Variants in DTL observed in about 807,000 individuals in gnomAD.
DTL encodes the protein denticleless protein homolog.
DTL carries 46 observed loss-of-function variants against 87.0 expected under a neutral mutation model. The observed-to-expected ratio is 0.53, with a 90% confidence interval of 0.42 to 0.68. The LOEUF is 0.68. Ranked by LOEUF, DTL falls within the 30% of genes least tolerant of loss-of-function variation. The pLI, the probability that DTL is intolerant of heterozygous loss-of-function variation, is 0.00. For missense variants in DTL, 737 were observed against 869.4 expected, an observed-to-expected ratio of 0.85 and a Z score of 1.91; for synonymous variants, 308 against 311.2, an observed-to-expected ratio of 0.99 and a Z score of 0.11.
At chr1:212,102,058 C>T (rs555266880) in intron 14 of DTL, among the ~76,000 whole-genome samples, 4 of 152,322 alleles carry the variant, frequency 2.6e-5, no homozygotes, top group Non-Finnish European at 5.9e-5. Flanking sequence ...AGCTAGATAA[C>T]CAACCTTAGG....
Position 212,103,002 on chromosome 1 carries a change from TA to T in DTL, c.*66del. On this transcript the variant is annotated 3_prime_UTR_variant, in exon 15 of 15. Coordinates refer to ENST00000366991, the MANE Select transcript of DTL (RefSeq NM_016448.4). ...TAAAACAAGCTGAGCTTTGGTCCAC[TA>T]AAACAAGATGAAAAATACAAGAGTG... 1 of 961,154 alleles carries T rather than the reference TA, an allele frequency of 1.0e-6. No homozygotes were observed. The highest frequency in any genetic ancestry group is 1.6e-6 in the Non-Finnish European group (1 of 626,616). 59.5% of individuals were successfully genotyped at this position (961,154 alleles called of 1,614,324 possible).
At chr1:212,050,006 A>ATATC (rs10628680) in intron 5 of DTL, among the ~76,000 whole-genome samples, 150,204 of 151,942 alleles carry the variant, frequency 0.99, 74,266 homozygotes, top group Middle Eastern at 1. Context: ...GTGAGACCCT[A>ATATC]TAAGAAAACA....
chr1:212,078,808 T>C (rs1654908676), intron 12 of DTL, among the ~76,000 whole-genome samples: 1 of 152,140 alleles, frequency 6.6e-6, no homozygotes, highest in South Asian at 2.1e-4. Flanking sequence ...AGTGACACTT[T>C]AAGAAACAAA....
chr1:212,083,954 A>G (rs1306645919), intron 13 of DTL, among the ~76,000 whole-genome samples: 2 of 152,168 alleles, frequency 1.3e-5, no homozygotes, highest in Non-Finnish European at 2.9e-5. Flanking sequence ...AAACTGTCTT[A>G]TCTTTAAGCT....
chr1:212,092,910 C>A lies in DTL; in HGVS notation c.1262-7342C>A, dbSNP rs530496351. ...CAGTGTAAAAGTGTTCCCTTTCCAC[C>A]ACATCCACCCCAATGATGGCCATTC... On this transcript the variant is annotated intron_variant, in intron 13 of 14. Coordinates refer to ENST00000366991, the MANE Select transcript of DTL (RefSeq NM_016448.4). Among the ~76,000 whole-genome samples the A allele has an allele frequency of 1.3e-4, 20 of 152,162 alleles. No individual in the cohort carries two copies. In the South Asian group the frequency reaches 3.9e-3, roughly 30 times the overall value.
chr1:212,067,749 T>C (rs753719508), intron 8 of DTL, among the ~76,000 whole-genome samples: 3 of 152,208 alleles, frequency 2.0e-5, no homozygotes, highest in Non-Finnish European at 4.4e-5. Flanking sequence ...AAGTAGAGGA[T>C]TAAGACAATT....
chr1:212,073,291 GAATT>G (rs979898646), intron 11 of DTL, among the ~76,000 whole-genome samples: 6 of 152,164 alleles, frequency 3.9e-5, no homozygotes, highest in Non-Finnish European at 7.4e-5. Flanking sequence ...CCATGACTAA[GAATT>G]AATTATCTTC....
chr1:212,044,795 A>G lies in DTL; in HGVS notation c.277+37A>G, dbSNP rs769768923. 3 of 1,297,796 alleles carry G rather than the reference A, an allele frequency of 2.3e-6. No individual in the cohort carries two copies. In the East Asian group the frequency reaches 6.9e-5, roughly 30 times the overall value. The allele number at this position is 1,297,796 out of a possible 1,614,324, so 80.4% of individuals were successfully genotyped here. A position where few individuals can be genotyped will look rare whatever the true frequency, so the allele number is the denominator to read the frequency against. On this transcript the variant is annotated intron_variant, in intron 3 of 14. Coordinates refer to ENST00000366991, the MANE Select transcript of DTL (RefSeq NM_016448.4). ...TCTACAATTTTTGTTTTAACATTTA[A>G]AAAACTTTACACATCCTCAAGTATA...
At chr1:212,080,118 G>T (rs1654947570) in intron 12 of DTL, among the ~76,000 whole-genome samples, 2 of 152,178 alleles carry the variant, frequency 1.3e-5, no homozygotes, top group Admixed American at 1.3e-4. Flanking sequence ...ATCTCAAAAG[G>T]AATGGTTTCC....
chr1:212,096,980 A>T (rs1198488440), intron 13 of DTL, among the ~76,000 whole-genome samples: 5 of 152,082 alleles, frequency 3.3e-5, no homozygotes, highest in Admixed American at 1.3e-4. Flanking sequence ...ATTTTTGTGT[A>T]TTTCAAGGTT....
intron 8 of DTL, 87 bp downstream of exon 8, chr1:212,066,972 G>A: frequency 8.7e-7 from 1 of 1,145,742 alleles, no homozygotes. Context: ...ATAATTGAAT[G>A]TGTGTGCTTT....
At chr1:212,084,821 A>G (rs185052953) in intron 13 of DTL, among the ~76,000 whole-genome samples, 12 of 152,306 alleles carry the variant, frequency 7.9e-5, no homozygotes, top group Middle Eastern at 3.4e-3. Context: ...GGTTAAATCA[A>G]GATACAGCTC....
chr1:212,042,486 G>C (rs997095097), intron 1 of DTL, among the ~76,000 whole-genome samples: 4 of 152,192 alleles, frequency 2.6e-5, no homozygotes, highest in Admixed American at 6.5e-5. Context: ...TGACATTTTA[G>C]ATTCCTACAA....
At chr1:212,054,238 G>A (rs79140972) in intron 5 of DTL, among the ~76,000 whole-genome samples, 4,057 of 152,182 alleles carry the variant, frequency 0.027, 79 homozygotes, top group Non-Finnish European at 0.04. Context: ...CCTTTCTCTA[G>A]CTGTCTCCAG....
intron 11 of DTL, among the ~76,000 whole-genome samples, chr1:212,073,795 G>A (rs1654750698): frequency 6.6e-6 from 1 of 152,026 alleles, no homozygotes; most frequent in African/African-American, 2.4e-5. Flanking sequence ...ATCACAAGAT[G>A]GAGTTTCCTC....
At chr1:212,072,047 T>G in intron 10 of DTL, 54 bp from the exon 11 acceptor site, 1 of 1,268,186 alleles carries the variant, frequency 7.9e-7, no homozygotes, top group Non-Finnish European at 1.2e-6. Flanking sequence ...TCTATATCCA[T>G]TTGACCACTA....
At chr1:212,050,497 T>C (rs1400375531) in intron 5 of DTL, among the ~76,000 whole-genome samples, 3 of 152,226 alleles carry the variant, frequency 2.0e-5, no homozygotes, top group Non-Finnish European at 4.4e-5. Flanking sequence ...AACTTACCTA[T>C]ATTTACACCT....
chr1:212,060,864 G>A (rs1654271502), intron 5 of DTL, among the ~76,000 whole-genome samples: 1 of 152,228 alleles, frequency 6.6e-6, no homozygotes, highest in African/African-American at 2.4e-5. Context: ...TTTATGGCTG[G>A]CCAAGAACTC....
At chr1:212,085,968 T>C (rs1655117840) in intron 13 of DTL, among the ~76,000 whole-genome samples, 1 of 152,256 alleles carries the variant, frequency 6.6e-6, no homozygotes, top group African/African-American at 2.4e-5. Context: ...TTCTGACTTC[T>C]CAATTCCATT....
Sources: gnomAD v4.1 joint callset for allele counts (sites outside exome capture counted in the v4.1 genomes callset) on GRCh38, gnomAD v4.1.1 for gene constraint, MANE v1.5 for transcripts, NCBI Gene and HGNC (gene_info 2026-07-23, HGNC 2026-07-21) for gene names.